The following ADAMTS3 variants were observed in gnomAD, a reference collection of about 807,000 sequenced individuals.
ADAMTS3 encodes the protein A disintegrin and metalloproteinase with thrombospondin motifs 3.
In ADAMTS3, 73 loss-of-function variants were observed where a neutral mutation model predicts 129.0. The ratio of observed to expected loss-of-function variants is 0.57; its 90% CI spans 0.47 to 0.69. ADAMTS3 has a LOEUF of 0.69. Among genes scored for constraint, ADAMTS3 ranks in the 30% least tolerant of loss-of-function variants. The probability of loss-of-function intolerance (pLI) is 0.00; values close to 1 mark genes in which losing one functional copy is unlikely to be tolerated. For synonymous variants in ADAMTS3, 477 were observed against 510.8 expected, an observed-to-expected ratio of 0.93 and a Z score of 0.89; for missense variants, 1,457 against 1,514.5, an observed-to-expected ratio of 0.96 and a Z score of 0.63.
At chr4:72,465,160 G>A (rs1718885890) in intron 3 of ADAMTS3, among the ~76,000 whole-genome samples, 2 of 151,998 alleles carry the variant, frequency 1.3e-5, no homozygotes, top group African/African-American at 4.8e-5. Flanking sequence ...AGATGGAGGG[G>A]CAGGTATCAG....
chr4:72,318,120 C>G (rs1365018588), intron 10 of ADAMTS3, among the ~76,000 whole-genome samples: 1 of 152,038 alleles, frequency 6.6e-6, no homozygotes, highest in Non-Finnish European at 1.5e-5. Flanking sequence ...TAGACTATAC[C>G]AGCACAATCC....
In ADAMTS3 at chr4:72,309,408, G is replaced by A; in HGVS notation, c.2168C>T (p.Pro723Leu). The A allele has an allele frequency of 6.2e-7, 1 of 1,611,460 alleles. No homozygotes were observed. Among genetic ancestry groups the A allele is most frequent in the Non-Finnish European group, 8.5e-7 (1 of 1,178,216 alleles). Residue 723 changes from proline (P) to leucine (L), a missense_variant, in exon 15 of 22, where the codon CCC becomes CTC. Pro to Leu is a moderately conservative substitution (Grantham distance 98). Coordinates refer to ENST00000286657, the MANE Select transcript of ADAMTS3 (RefSeq NM_014243.3). The part of the protein sequence containing the change: ...RTVKGTFTRT[P>L]RKLGYLKMFD... ...AGACCTCATCTTACCAAGCTTCCTG[G>A]GAGTTCTGGTAAATGTCCCCTTCAC... is the stretch of plus-strand genomic sequence containing the variant.
At chr4:72,517,999 C>T (rs1288529894) in intron 3 of ADAMTS3, among the ~76,000 whole-genome samples, 3 of 151,938 alleles carry the variant, frequency 2.0e-5, no homozygotes, top group South Asian at 2.1e-4. Flanking sequence ...CCTCTACACA[C>T]TGCTTTGAAT....
intron 4 of ADAMTS3, among the ~76,000 whole-genome samples, chr4:72,367,049 G>A (rs904123913): frequency 6.6e-6 from 1 of 152,030 alleles, no homozygotes; most frequent in Non-Finnish European, 1.5e-5. Context: ...ATTATACTCT[G>A]TAATGAAAAG....
chr4:72,442,323 T>C (rs1289202164), intron 3 of ADAMTS3: 1 of 151,836 alleles, frequency 6.6e-6, no homozygotes, highest in Non-Finnish European at 1.5e-5. Flanking sequence ...AAAAGAGGTT[T>C]ATTTGTCCTG....
At chr4:72,295,555 T>C in intron 19 of ADAMTS3, 99 bp downstream of exon 19, 1 of 1,312,392 alleles carries the variant, frequency 7.6e-7, no homozygotes, top group Non-Finnish European at 1.0e-6. Context: ...CATGTCTATA[T>C]AGAGCTTTGA....
In ADAMTS3 at chr4:72,340,432, G is replaced by A. The variant is rs184027117; in HGVS notation, c.662-739C>T. On this transcript the variant is annotated intron_variant, in intron 4 of 21. Coordinates refer to ENST00000286657, the MANE Select transcript of ADAMTS3 (RefSeq NM_014243.3). Reference sequence around the variant, plus strand: ...AAATATACATATATGTGTATATGCAGGGATACACAGGAAAACTTTAGTGCT... The same window carrying A: ...AAATATACATATATGTGTATATGCAAGGATACACAGGAAAACTTTAGTGCT... 1.5e-3 allele frequency among the ~76,000 whole-genome samples: 226 copies of A among 151,758 alleles called. 1 individual carries two copies. The highest frequency in any genetic ancestry group is 5.3e-3 in the African/African-American group (218 of 41,370).
intron 3 of ADAMTS3, among the ~76,000 whole-genome samples, chr4:72,546,563 C>T (rs1325297190): frequency 6.6e-6 from 1 of 152,128 alleles, no homozygotes; most frequent in African/African-American, 2.4e-5. Flanking sequence ...CTAGTCAGTT[C>T]TTCCACTCAC....
At chr4:72,549,094 T>C (rs1045629628) in intron 2 of ADAMTS3, among the ~76,000 whole-genome samples, 23 of 152,210 alleles carry the variant, frequency 1.5e-4, no homozygotes, top group African/African-American at 5.5e-4. Context: ...AATCATTTTT[T>C]ACTTAAAATA....
At chr4:72,543,902 T>C (rs1222769726) in intron 3 of ADAMTS3, among the ~76,000 whole-genome samples, 5 of 152,054 alleles carry the variant, frequency 3.3e-5, no homozygotes, top group Admixed American at 2.6e-4. Context: ...CAAAAAAATA[T>C]TGGAAGAAAA....
At position 72,283,511 on chromosome 4, in the gene ADAMTS3, T is replaced by C. The variant is rs764517564; in HGVS notation, c.3243A>G (p.Arg1081=). The part of the protein sequence containing the change: ...DVISNPSDLP[R]SLVMPTSLVP... ...CCAAAGATGTAGGCATCACTAGAGA[T>C]CTAGGGAGGTCACTAGGGTTAGAGA... The change falls in exon 22 of 22, where the codon AGA becomes AGG. Residue 1081 remains arginine (R), a synonymous_variant. Transcript: ENST00000286657. 6.2e-7 allele frequency: 1 copy of C among 1,614,028 alleles called. No individual in the cohort carries two copies. Among genetic ancestry groups the C allele is most frequent in the South Asian group, 1.1e-5 (1 of 91,084 alleles).
chr4:72,416,164 CAAATAT>C (rs1028144812), intron 3 of ADAMTS3, among the ~76,000 whole-genome samples: 2 of 148,618 alleles, frequency 1.3e-5, no homozygotes, highest in African/African-American at 4.9e-5. Flanking sequence ...ATGTTTTCAG[CAAATAT>C]AAATATAAAT....
At chr4:72,417,407 A>T (rs904266717) in intron 3 of ADAMTS3, among the ~76,000 whole-genome samples, 1 of 152,204 alleles carries the variant, frequency 6.6e-6, no homozygotes, top group African/African-American at 2.4e-5. Flanking sequence ...TATGGCAAAC[A>T]TTCAAATTTC....
intron 12 of ADAMTS3, among the ~76,000 whole-genome samples, chr4:72,313,328 C>T (rs887619688): frequency 6.6e-6 from 1 of 152,136 alleles, no homozygotes; most frequent in Non-Finnish European, 1.5e-5. Context: ...TGCTTGGTAC[C>T]GCTCTTTCCT....
chr4:72,329,430 A>G (rs1719782829), intron 5 of ADAMTS3, among the ~76,000 whole-genome samples: 1 of 152,184 alleles, frequency 6.6e-6, no homozygotes, highest in Non-Finnish European at 1.5e-5. Flanking sequence ...CATATATTAG[A>G]GAACTCAGAA....
chr4:72,322,524 G>A (rs1719583034), intron 6 of ADAMTS3, among the ~76,000 whole-genome samples: 1 of 152,128 alleles, frequency 6.6e-6, no homozygotes, highest in African/African-American at 2.4e-5. Context: ...TTCCTCTTAA[G>A]TGGAAAGATA....
intron 3 of ADAMTS3, among the ~76,000 whole-genome samples, chr4:72,530,641 T>A (rs1281506473): frequency 3.6e-5 from 3 of 82,694 alleles, no homozygotes; most frequent in South Asian, 3.5e-4. Flanking sequence ...TATAATATAT[T>A]ATATATAATA....
At chr4:72,460,521 A>G (rs1419143033) in intron 3 of ADAMTS3, among the ~76,000 whole-genome samples, 2 of 151,510 alleles carry the variant, frequency 1.3e-5, no homozygotes, top group Admixed American at 1.3e-4. Context: ...CCTTTTAAAA[A>G]TTCCTTGAAA....
At chr4:72,508,821 G>A (rs1049387001) in intron 3 of ADAMTS3, among the ~76,000 whole-genome samples, 2 of 151,964 alleles carry the variant, frequency 1.3e-5, no homozygotes, top group Non-Finnish European at 2.9e-5. Context: ...TTTCATCCAA[G>A]AGCTGTAGAA....
Sources: gnomAD v4.1 joint callset for allele counts (sites outside exome capture counted in the v4.1 genomes callset) on GRCh38, gnomAD v4.1.1 for gene constraint, MANE v1.5 for transcripts, NCBI Gene and HGNC (gene_info 2026-07-23, HGNC 2026-07-21) for gene names.